Variants in HSP90AA1 observed in about 807,000 individuals in gnomAD.
HSP90AA1 encodes the protein heat shock protein HSP 90-alpha.
HSP90AA1 carries 18 observed loss-of-function variants against 73.3 expected under a neutral mutation model. That is an observed-to-expected ratio of 0.25 (90% CI 0.17 to 0.36). HSP90AA1 has a LOEUF of 0.36. Among genes scored for constraint, HSP90AA1 ranks in the 10% least tolerant of loss-of-function variants. The pLI is 1.00. For synonymous variants in HSP90AA1, 477 were observed against 296.9 expected, an observed-to-expected ratio of 1.61 and a Z score of -6.24; for missense variants, 704 against 874.2, an observed-to-expected ratio of 0.81 and a Z score of 2.45.
At chr14:102,087,715 C>T (rs1005521796), upstream of HSP90AA1, among the ~76,000 whole-genome samples, 1 of 152,180 alleles carries the variant, frequency 6.6e-6, no homozygotes, top group Non-Finnish European at 1.5e-5. Flanking sequence ...TCCAGACCCA[C>T]CGCTGGCTCG....
At position 102,082,307 on chromosome 14, in the gene HSP90AA1, C is replaced by G; in HGVS notation, c.1893G>C (p.Lys631Asn). 1 of 1,613,952 alleles carries G rather than the reference C, an allele frequency of 6.2e-7. No individual in the cohort carries two copies. The highest frequency in any genetic ancestry group is 8.5e-7 in the Non-Finnish European group (1 of 1,179,844). ...DNSTMGYMAAKKHLEINPDHS... is the reference protein window; with the variant it reads ...DNSTMGYMAANKHLEINPDHS... ...GGTCAGGGTTTATCTCCAGGTGTTT[C>G]TTTGCTGCCATGTAACCCATTGTTG... Residue 631 changes from lysine to asparagine, a missense_variant, in exon 10 of 11, where the codon AAG (lysine) becomes AAC (asparagine). Physicochemically the swap from Lys to Asn is moderately conservative, Grantham distance 94. Transcript: ENST00000216281.
chr14:102,080,803 C>T lies in HSP90AA1; in HGVS notation c.*909G>A, dbSNP rs1008645480. On this transcript the variant is annotated 3_prime_UTR_variant, in exon 11 of 11. Transcript: ENST00000216281. ...TATTCCATGAATAACATCAAAACAA[C>T]GTGGACACTAAGAGAACACATGTAA... 2.2e-5 allele frequency: 5 copies of T among 224,036 alleles called. No individual in the cohort carries two copies. The highest frequency in any genetic ancestry group is 4.5e-5 in the African/African-American group (2 of 44,836). 13.9% of individuals were successfully genotyped at this position (224,036 alleles called of 1,614,324 possible).
chr14:102,103,221 ATTT>A (rs1244776166), intron 1 of HSP90AA1, among the ~76,000 whole-genome samples: 21 of 100,996 alleles, frequency 2.1e-4, no homozygotes, highest in Admixed American at 1.4e-3. Flanking sequence ...GTGGGAGTTG[ATTT>A]TTTTTTTTTT....
intron 1 of HSP90AA1, among the ~76,000 whole-genome samples, chr14:102,117,888 G>A (rs1304267722): frequency 2.6e-5 from 4 of 152,140 alleles, no homozygotes; most frequent in African/African-American, 7.2e-5. Flanking sequence ...GCAGTTCCTG[G>A]TGTCTCCAAG....
At chr14:102,115,111 C>T (rs1412940539) in intron 1 of HSP90AA1, among the ~76,000 whole-genome samples, 1 of 149,108 alleles carries the variant, frequency 6.7e-6, no homozygotes, top group African/African-American at 2.4e-5. Flanking sequence ...GGCGCCACTG[C>T]ACTCCAGCCT....
At chr14:102,102,210 G>T in intron 1 of HSP90AA1, 2 of 770,262 alleles carry the variant, frequency 2.6e-6, no homozygotes, top group Non-Finnish European at 4.6e-6. Context: ...CTCTGTGACT[G>T]TCAAATGGAT....
At chr14:102,138,139 G>A (rs2050068500) in intron 1 of HSP90AA1, among the ~76,000 whole-genome samples, 2 of 152,036 alleles carry the variant, frequency 1.3e-5, no homozygotes, top group Non-Finnish European at 2.9e-5. Flanking sequence ...AATTATATAG[G>A]TATTATGGGA....
intron 2 of HSP90AA1, among the ~76,000 whole-genome samples, chr14:102,094,935 A>G (rs1864230215): frequency 6.6e-6 from 1 of 151,942 alleles, no homozygotes; most frequent in African/African-American, 2.4e-5. Flanking sequence ...AACTTGGGAG[A>G]GGTCAGGGGA....
intron 9 of HSP90AA1, 197 bp downstream of exon 9, chr14:102,082,837 G>GTCTC (rs1392372230): frequency 3.2e-6 from 2 of 626,868 alleles, no homozygotes; most frequent in Non-Finnish European, 5.7e-6. Context: ...AGCCAGGATG[G>GTCTC]TCTCGATCTC....
chr14:102,096,529 G>GT (rs1161546241), intron 2 of HSP90AA1, among the ~76,000 whole-genome samples: 3 of 152,164 alleles, frequency 2.0e-5, no homozygotes. Context: ...AGGCAAATAC[G>GT]TGTCTGCCAA....
chr14:102,110,560 C>G (rs2049627084), intron 1 of HSP90AA1, among the ~76,000 whole-genome samples: 1 of 151,796 alleles, frequency 6.6e-6, no homozygotes, highest in South Asian at 2.1e-4. Flanking sequence ...GCTGGGATTA[C>G]AGGCGCCCAC....
intron 2 of HSP90AA1, among the ~76,000 whole-genome samples, chr14:102,098,822 C>T (rs559286386): frequency 1.3e-5 from 2 of 152,308 alleles, no homozygotes; most frequent in East Asian, 1.9e-4. Flanking sequence ...AGCCGCTGCA[C>T]CTGGCCAAGC....
At chr14:102,115,706 C>T (rs1336668946) in intron 1 of HSP90AA1, among the ~76,000 whole-genome samples, 2 of 151,894 alleles carry the variant, frequency 1.3e-5, no homozygotes, top group Non-Finnish European at 2.9e-5. Flanking sequence ...GATTGTGACC[C>T]TCCACTCCAG....
chr14:102,106,208 A>G (rs2049565617), intron 1 of HSP90AA1, among the ~76,000 whole-genome samples: 1 of 152,232 alleles, frequency 6.6e-6, no homozygotes, highest in African/African-American at 2.4e-5. Context: ...CTTTGTTCAG[A>G]AACAGCTTTC....
intron 4 of HSP90AA1, 74 bp downstream of exon 4, chr14:102,085,224 G>C: frequency 6.6e-7 from 1 of 1,507,152 alleles, no homozygotes; most frequent in Non-Finnish European, 9.2e-7. Context: ...ACAGATCTAG[G>C]GACTAAGGAT....
intron 2 of HSP90AA1, among the ~76,000 whole-genome samples, chr14:102,099,758 T>A (rs1021453479): frequency 1.3e-5 from 2 of 152,184 alleles, no homozygotes; most frequent in African/African-American, 4.8e-5. Context: ...CTTGCTTCTG[T>A]TTCCCAAGTG....
Position 102,083,590 on chromosome 14 carries a change from C to T in HSP90AA1, c.1442G>A (p.Cys481Tyr). The T allele has an allele frequency of 1.2e-6, 2 of 1,613,680 alleles. No individual in the cohort carries two copies. The highest frequency in any genetic ancestry group is 2.2e-5 in the South Asian group (2 of 91,068). Reference protein sequence around the residue: ...GDEMVSLKDYCTRMKENQKHI... With the variant: ...GDEMVSLKDYYTRMKENQKHI... ...TTTCTGGTTCTCCTTCATTCTGGTG[C>T]AGTAGTCCTTGAGAGAAACCATCTC... Residue 481 changes from cysteine to tyrosine, a missense_variant, in exon 8 of 11, where the codon TGC becomes TAC. Transcript: ENST00000216281.
In HSP90AA1 at chr14:102,083,643, T is replaced by C. The variant is rs1348033377; in HGVS notation, c.1389A>G (p.Leu463=). ...CACCAGAGGCAGATGTGTAGTACCT[T>C]AACAGCTCTGAAAGCTTCTTCCGAT... ...SQNRKKLSEL[L]RYYTSASGDE... Residue 463 remains leucine, a synonymous_variant, in exon 8 of 11, where the codon TTA becomes TTG. Coordinates refer to ENST00000216281, the MANE Select transcript of HSP90AA1 (RefSeq NM_005348.4). 6.2e-7 allele frequency: 1 copy of C among 1,613,132 alleles called. No homozygotes were observed. Among genetic ancestry groups the C allele is most frequent in the Non-Finnish European group, 8.5e-7 (1 of 1,179,392 alleles).
intron 1 of HSP90AA1, among the ~76,000 whole-genome samples, chr14:102,108,725 C>T (rs762548767): frequency 2.0e-5 from 3 of 150,414 alleles, no homozygotes; most frequent in Non-Finnish European, 4.4e-5. Flanking sequence ...TTAGTAGAGA[C>T]GGAGTTTCAC....
Sources: allele counts gnomAD v4.1 joint callset (sites outside exome capture counted in the v4.1 genomes callset), GRCh38; gene constraint gnomAD v4.1.1; transcripts MANE v1.5; gene names NCBI Gene and HGNC (gene_info 2026-07-23, HGNC 2026-07-21).